ITGA2: variants seen among roughly 807,000 people sequenced by gnomAD.
ITGA2 encodes integrin alpha-2.
Under a neutral mutation model 146.3 loss-of-function variants are expected in ITGA2, and 101 were observed. That is an observed-to-expected ratio of 0.69 (90% CI 0.59 to 0.81). The LOEUF (loss-of-function observed/expected upper bound fraction) is 0.81. Ranked by LOEUF, ITGA2 falls within the 40% of genes least tolerant of loss-of-function variation. The pLI is 0.00. For synonymous variants in ITGA2, 477 were observed against 487.1 expected (o/e 0.98, Z 0.27); for missense variants, 1,281 against 1,402.7 (o/e 0.91, Z 1.39).
intron 27 of ITGA2, among the ~76,000 whole-genome samples, chr5:53,085,339 T>C (rs564750249): frequency 6.6e-6 from 1 of 152,338 alleles, no homozygotes; most frequent in African/African-American, 2.4e-5. Flanking sequence ...AGAAGCCTTG[T>C]TGAACGCTAG....
At chr5:52,996,248 G>T (rs1238954774) in intron 1 of ITGA2, among the ~76,000 whole-genome samples, 2 of 152,154 alleles carry the variant, frequency 1.3e-5, no homozygotes, top group African/African-American at 2.4e-5. Flanking sequence ...TTATGGTGCT[G>T]CATGGTACAC....
chr5:53,046,933 T>G (rs917013051), intron 4 of ITGA2, among the ~76,000 whole-genome samples: 2 of 152,130 alleles, frequency 1.3e-5, no homozygotes, highest in Non-Finnish European at 2.9e-5. Context: ...AAAAAAAATT[T>G]TGAATACTTC....
At chr5:53,046,754 T>A (rs976784125) in intron 4 of ITGA2, among the ~76,000 whole-genome samples, 6 of 151,940 alleles carry the variant, frequency 3.9e-5, no homozygotes, top group African/African-American at 1.4e-4. Context: ...ACTTAGAAGG[T>A]CAAAATCATA....
At chr5:53,085,332 A>C (rs3212630) in intron 27 of ITGA2, among the ~76,000 whole-genome samples, 15,950 of 152,244 alleles carry the variant, frequency 0.1, 974 homozygotes, top group African/African-American at 0.16. Context: ...TGTAGGGAGA[A>C]GCCTTGTTGA....
In ITGA2 at chr5:53,062,920, T is replaced by C; in HGVS notation, c.1593T>C (p.Thr531=). ...AGGAAGGAAGAGTCTACCTGTTTACTATCAAAGAGGTAAAAAAAAAAAAAT... is the reference window on the plus strand; with the variant it reads ...AGGAAGGAAGAGTCTACCTGTTTACCATCAAAGAGGTAAAAAAAAAAAAAT... ...KKEEGRVYLF[T]IKEGILGQHQ... The change falls in exon 13 of 30, where the codon ACT becomes ACC. Residue 531 remains threonine (T), a synonymous_variant. Coordinates refer to ENST00000296585, the MANE Select transcript of ITGA2 (RefSeq NM_002203.4). 2 of 1,608,846 alleles carry C rather than the reference T, an allele frequency of 1.2e-6. No homozygotes were observed. Among genetic ancestry groups the C allele is most frequent in the Non-Finnish European group, 1.7e-6 (2 of 1,176,824 alleles).
chr5:53,006,873 T>G (rs1741885810), intron 1 of ITGA2, among the ~76,000 whole-genome samples: 1 of 152,136 alleles, frequency 6.6e-6, no homozygotes, highest in African/African-American at 2.4e-5. Context: ...AAAAAAAAAT[T>G]CATTAATCAA....
chr5:53,051,224 G>A (rs1004421444), intron 6 of ITGA2, among the ~76,000 whole-genome samples, 187 bp from the exon 7 acceptor site: 1 of 152,146 alleles, frequency 6.6e-6, no homozygotes, highest in Non-Finnish European at 1.5e-5. Flanking sequence ...GTTGTACACT[G>A]ATGGCCTCTA....
At chr5:53,001,789 T>C (rs1286618757) in intron 1 of ITGA2, among the ~76,000 whole-genome samples, 1 of 138,264 alleles carries the variant, frequency 7.2e-6, no homozygotes, top group African/African-American at 2.7e-5. Flanking sequence ...GTAGCAAACC[T>C]GGATGACAGA....
At chr5:53,080,436 C>A in intron 24 of ITGA2, 75 bp from the exon 25 acceptor site, 1 of 1,160,124 alleles carries the variant, frequency 8.6e-7, no homozygotes, top group Non-Finnish European at 1.3e-6. Context: ...CCTTCATCAA[C>A]ACGGGGTTAC....
At chr5:53,027,821 C>T (rs1162823402) in intron 2 of ITGA2, among the ~76,000 whole-genome samples, 1 of 152,182 alleles carries the variant, frequency 6.6e-6, no homozygotes, top group Non-Finnish European at 1.5e-5. Flanking sequence ...GTGGCTCACG[C>T]TTGTAATCCC....
chr5:53,036,963 A>G (rs1743520824), intron 2 of ITGA2, among the ~76,000 whole-genome samples: 1 of 152,160 alleles, frequency 6.6e-6, no homozygotes, highest in Non-Finnish European at 1.5e-5. Context: ...GAATAAAACA[A>G]AATGTTTTGC....
rs149861468 is a variant in ITGA2, at chr5:52,989,489, G to A, written c.21G>A (p.Gly7=). 3.1e-6 allele frequency: 5 copies of A among 1,613,854 alleles called. No individual in the cohort carries two copies. The highest frequency in any genetic ancestry group is 3.3e-5 in the Admixed American group (2 of 59,998). The change falls in exon 1 of 30, where the codon GGG becomes GGA. Residue 7 remains glycine (G), a synonymous_variant. Coordinates refer to ENST00000296585, the MANE Select transcript of ITGA2 (RefSeq NM_002203.4). ...CCAGGATGGGGCCAGAACGGACAGG[G>A]GCCGCGCCGCTGCCGCTGCTGCTGG... MGPERT[G]AAPLPLLLVL... is the part of the protein sequence containing the mutation.
intron 1 of ITGA2, among the ~76,000 whole-genome samples, chr5:52,989,768 C>T (rs888038701): frequency 6.6e-6 from 1 of 152,096 alleles, no homozygotes; most frequent in African/African-American, 2.4e-5. Context: ...CTGTTAAGCA[C>T]CCTCCAAAGT....
At chr5:53,034,428 G>C (rs1365290861) in intron 2 of ITGA2, among the ~76,000 whole-genome samples, 2 of 151,720 alleles carry the variant, frequency 1.3e-5, no homozygotes. Context: ...AAAATCTATA[G>C]TAGGAAGGAC....
At chr5:52,996,740 C>T (rs779964823) in intron 1 of ITGA2, among the ~76,000 whole-genome samples, 3 of 152,142 alleles carry the variant, frequency 2.0e-5, no homozygotes, top group South Asian at 2.1e-4. Context: ...AATATCAGTG[C>T]GTTAGTCAGA....
intron 2 of ITGA2, among the ~76,000 whole-genome samples, chr5:53,031,787 G>C (rs1179253141): frequency 1.2e-4 from 19 of 152,198 alleles, no homozygotes; most frequent in Admixed American, 1.2e-3. Context: ...GCTGTGGTCT[G>C]TTCTCTTTTC....
At position 53,090,548 on chromosome 5, in the gene ITGA2, G is replaced by T. The variant is rs1361825278; in HGVS notation, c.3495G>T (p.Lys1165Asn). ...KLGFFKRKYE[K>N]MTKNPDEIDE... Reference sequence around the variant, plus strand: ...GCTTCTTCAAAAGAAAATATGAAAAGATGACCAAAAATCCAGATGAGATTG... The same window carrying T: ...GCTTCTTCAAAAGAAAATATGAAAATATGACCAAAAATCCAGATGAGATTG... The change falls in exon 30 of 30, where the codon AAG (lysine) becomes AAT (asparagine). Residue 1165 changes from lysine (K) to asparagine (N), a missense_variant. Physicochemically the swap from Lys to Asn is moderately conservative, Grantham distance 94. Coordinates refer to ENST00000296585, the MANE Select transcript of ITGA2 (RefSeq NM_002203.4). 5.0e-6 allele frequency: 8 copies of T among 1,613,912 alleles called. No homozygotes were observed. In the African/African-American group the frequency reaches 1.1e-4, roughly 22 times the overall value.
intron 27 of ITGA2, among the ~76,000 whole-genome samples, 189 bp from the exon 28 acceptor site, chr5:53,086,763 G>A (rs771332637): frequency 2.6e-5 from 4 of 152,112 alleles, no homozygotes; most frequent in African/African-American, 9.7e-5. Flanking sequence ...AAAATTACCC[G>A]AGGTATTTCT....
At chr5:53,034,025 G>C (rs1027796072) in intron 2 of ITGA2, among the ~76,000 whole-genome samples, 16 of 152,024 alleles carry the variant, frequency 1.1e-4, no homozygotes, top group Admixed American at 5.2e-4. Flanking sequence ...GCCTCCCAAA[G>C]TGCTGGGATT....
Sources: gnomAD v4.1 joint callset for allele counts (sites outside exome capture counted in the v4.1 genomes callset) on GRCh38, gnomAD v4.1.1 for gene constraint, MANE v1.5 for transcripts, NCBI Gene and HGNC (gene_info 2026-07-23, HGNC 2026-07-21) for gene names.